The following IGF2BP2 variants were observed in gnomAD, a reference collection of about 807,000 sequenced individuals.
The protein encoded by IGF2BP2 is insulin like growth factor 2 mRNA binding protein 2, also known as insulin-like growth factor 2 mRNA-binding protein 2.
Under a neutral mutation model 75.8 loss-of-function variants are expected in IGF2BP2, and 17 were observed. That is an observed-to-expected ratio of 0.22 (90% CI 0.15 to 0.34). IGF2BP2 has a LOEUF of 0.34. Among genes scored for constraint, IGF2BP2 ranks in the 10% least tolerant of loss-of-function variants. The pLI, the probability that IGF2BP2 is intolerant of heterozygous loss-of-function variation, is 1.00. For synonymous variants in IGF2BP2, 288 were observed against 295.6 expected, an observed-to-expected ratio of 0.97 and a Z score of 0.26; for missense variants, 516 against 772.4, an observed-to-expected ratio of 0.67 and a Z score of 3.93.
intron 2 of IGF2BP2, among the ~76,000 whole-genome samples, chr3:185,768,225 A>C (rs1415036870): frequency 6.6e-6 from 1 of 152,240 alleles, no homozygotes. Context: ...CAGAAAAAGG[A>C]AAAAGGAAAG....
At chr3:185,782,224 G>A (rs946594245) in intron 2 of IGF2BP2, among the ~76,000 whole-genome samples, 1 of 152,128 alleles carries the variant, frequency 6.6e-6, no homozygotes, top group Non-Finnish European at 1.5e-5. Context: ...AATGTGCCAG[G>A]AAAATTTTAA....
chr3:185,660,848 G>A (rs1716319700), intron 10 of IGF2BP2, among the ~76,000 whole-genome samples: 1 of 152,174 alleles, frequency 6.6e-6, no homozygotes, highest in Non-Finnish European at 1.5e-5. Context: ...CCTCCCGCCT[G>A]AAGAATCGTT....
intron 7 of IGF2BP2, among the ~76,000 whole-genome samples, chr3:185,676,713 G>GAT (rs1404630681): frequency 2.8e-4 from 40 of 141,834 alleles, no homozygotes; most frequent in African/African-American, 4.4e-4. Context: ...ATTTACTGGA[G>GAT]ATATATATAT....
At chr3:185,752,858 A>G (rs1432266833) in intron 2 of IGF2BP2, among the ~76,000 whole-genome samples, 1 of 152,178 alleles carries the variant, frequency 6.6e-6, no homozygotes, top group Non-Finnish European at 1.5e-5. Flanking sequence ...CAGCCTCCCA[A>G]AGTTCTGGGA....
At chr3:185,676,979 T>G (rs1320569147) in intron 7 of IGF2BP2, among the ~76,000 whole-genome samples, 1 of 138,582 alleles carries the variant, frequency 7.2e-6, no homozygotes, top group Non-Finnish European at 1.5e-5. Context: ...TGGAGATACA[T>G]ATATATGGAG....
At chr3:185,817,818 A>T (rs1578409267) in intron 2 of IGF2BP2, among the ~76,000 whole-genome samples, 1 of 152,240 alleles carries the variant, frequency 6.6e-6, no homozygotes, top group Non-Finnish European at 1.5e-5. Context: ...GAATATAAGA[A>T]GGATAAAACT....
chr3:185,782,272 T>C (rs1421252973), intron 2 of IGF2BP2, among the ~76,000 whole-genome samples: 3 of 152,138 alleles, frequency 2.0e-5, no homozygotes, highest in Admixed American at 1.3e-4. Context: ...TCCCTTTTCT[T>C]AGATGAGAAA....
chr3:185,779,157 T>C (rs1014507663), intron 2 of IGF2BP2, among the ~76,000 whole-genome samples: 1 of 151,616 alleles, frequency 6.6e-6, no homozygotes, highest in African/African-American at 2.4e-5. Flanking sequence ...TGAGTCAAAA[T>C]ACACTACTGA....
At chr3:185,819,673 T>C (rs1026568979) in intron 2 of IGF2BP2, among the ~76,000 whole-genome samples, 1 of 152,060 alleles carries the variant, frequency 6.6e-6, no homozygotes, top group Non-Finnish European at 1.5e-5. Context: ...TTAATATATG[T>C]TATATCTACA....
intron 2 of IGF2BP2, among the ~76,000 whole-genome samples, chr3:185,714,433 G>A (rs565974133): frequency 5.5e-4 from 84 of 152,204 alleles, no homozygotes; most frequent in African/African-American, 2.0e-3. Flanking sequence ...GCATATCTTG[G>A]AAGATAAACT....
chr3:185,701,073 TACTA>T lies in IGF2BP2; in HGVS notation c.240-2730_240-2727del, dbSNP rs550783519. Among the ~76,000 whole-genome samples, 218 of 152,278 alleles carry T rather than the reference TACTA, an allele frequency of 1.4e-3. 1 individual carries two copies. The highest frequency in any genetic ancestry group is 4.5e-3 in the African/African-American group (188 of 41,578). ...TAGTTGGTAAAAGAATACTTTTAGCTACTAACTTTTTTATATTTTTTTAAATTAT... is the reference window on the plus strand; with the variant it reads ...TAGTTGGTAAAAGAATACTTTTAGCTACTTTTTTATATTTTTTTAAATTAT... On this transcript the variant is annotated intron_variant, in intron 2 of 15. Coordinates refer to ENST00000382199, the MANE Select transcript of IGF2BP2 (RefSeq NM_006548.6).
chr3:185,691,070 T>C (rs1481287309), intron 5 of IGF2BP2, among the ~76,000 whole-genome samples: 1 of 152,102 alleles, frequency 6.6e-6, no homozygotes, highest in African/African-American at 2.4e-5. Context: ...AAGGTAAAGT[T>C]AACACTAAAT....
intron 2 of IGF2BP2, among the ~76,000 whole-genome samples, chr3:185,756,897 G>A (rs1441122111): frequency 6.6e-6 from 1 of 152,114 alleles, no homozygotes; most frequent in African/African-American, 2.4e-5. Flanking sequence ...GTGAGCCCAG[G>A]AGTTTGAAGT....
intron 2 of IGF2BP2, among the ~76,000 whole-genome samples, chr3:185,817,940 G>T (rs1740816648): frequency 6.6e-6 from 1 of 152,150 alleles, no homozygotes; most frequent in South Asian, 2.1e-4. Context: ...AAGTTTTAGA[G>T]CATGAACTCT....
chr3:185,690,609 G>GTC (rs1721818985), intron 5 of IGF2BP2, among the ~76,000 whole-genome samples: 1 of 152,116 alleles, frequency 6.6e-6, no homozygotes, highest in Admixed American at 6.5e-5. Flanking sequence ...TACACACACT[G>GTC]TCACCATTGG....
At position 185,658,333 on chromosome 3, in the gene IGF2BP2, G is replaced by A; in HGVS notation, c.1269+8C>T. 1 of 1,613,268 alleles carries A rather than the reference G, an allele frequency of 6.2e-7. No homozygotes were observed. The highest frequency in any genetic ancestry group is 8.5e-7 in the Non-Finnish European group (1 of 1,179,332). On this transcript the variant is annotated splice_region_variant and intron_variant, in intron 11 of 15. Transcript: ENST00000382199. Reference sequence around the variant, plus strand: ...TGGCAGGTGCGGCTGAACTGAGGGGGCACTTACAGAGTGATGATGCGGGAA... The same window carrying A: ...TGGCAGGTGCGGCTGAACTGAGGGGACACTTACAGAGTGATGATGCGGGAA...
chr3:185,720,042 C>T (rs1010252713), intron 2 of IGF2BP2, among the ~76,000 whole-genome samples: 34 of 152,126 alleles, frequency 2.2e-4, no homozygotes, highest in African/African-American at 7.0e-4. Flanking sequence ...TGAAATCCCC[C>T]GGAAAGTGGG....
Position 185,677,068 on chromosome 3 carries a change from T to TATATATATATTATATATAGAGAGAG in IGF2BP2, c.813-1156_813-1155insCTCTCTCTATATATAATATATATAT. Among the ~76,000 whole-genome samples the TATATATATATTATATATAGAGAGAG allele has an allele frequency of 1.4e-4, 5 of 35,876 alleles. 1 individual carries two copies. Among genetic ancestry groups the TATATATATATTATATATAGAGAGAG allele is most frequent in the African/African-American group, 6.3e-4 (4 of 6,392 alleles). The allele number at this position is 35,876 out of a possible 152,430, so 23.5% of individuals were successfully genotyped here. ...AGATATATATATATATATATATATATAGAGAGAGAGAGAGAGAGAGAGAGA... is the reference window on the plus strand; with the variant it reads ...AGATATATATATATATATATATATATATATATATATTATATATAGAGAGAGAGAGAGAGAGAGAGAGAGAGAGAGA... On this transcript the variant is annotated intron_variant, in intron 7 of 15. Transcript: ENST00000382199.
At position 185,680,256 on chromosome 3, in the gene IGF2BP2, T is replaced by C. The variant is rs550755475; in HGVS notation, c.813-4343A>G. 4.6e-5 allele frequency among the ~76,000 whole-genome samples: 7 copies of C among 152,228 alleles called. No individual in the cohort carries two copies. The South Asian group carries it at 1.0e-3, about 23-fold the overall frequency. On this transcript the variant is annotated intron_variant, in intron 7 of 15. Coordinates refer to ENST00000382199, the MANE Select transcript of IGF2BP2 (RefSeq NM_006548.6). ...CACACAACCTACCAAGATTGAATCA[T>C]GAAGAAATGGAAAGTCTGATCAGAC...
Sources: allele counts gnomAD v4.1 joint callset (sites outside exome capture counted in the v4.1 genomes callset), GRCh38; gene constraint gnomAD v4.1.1; transcripts MANE v1.5; gene names NCBI Gene and HGNC (gene_info 2026-07-23, HGNC 2026-07-21).